NUDT10: variants seen among roughly 807,000 people sequenced by gnomAD.
NUDT10 encodes the protein nudix hydrolase 10, also known as diphosphoinositol polyphosphate phosphohydrolase 3-alpha.
A neutral mutation model predicts 10.5 loss-of-function variants in NUDT10; 2 were observed. The ratio of observed to expected loss-of-function variants is 0.19; its 90% CI spans 0.08 to 0.60. The LOEUF (loss-of-function observed/expected upper bound fraction) is 0.60. NUDT10 is among the 20% of genes least tolerant of loss of function. The pLI is 0.89. For synonymous variants in NUDT10, 53 were observed against 71.8 expected, an observed-to-expected ratio of 0.74 and a Z score of 1.32; for missense variants, 75 against 149.5, an observed-to-expected ratio of 0.50 and a Z score of 2.60.
At position 51,333,038 on chromosome X, in the gene NUDT10, T is replaced by C. The variant is rs781923794; in HGVS notation, c.73T>C (p.Phe25Leu). ...GFKKRAACLC[F>L]RSEREDEVLL... is the part of the protein sequence containing the mutation. Reference sequence around the variant, plus strand: ...CAAGAAGCGGGCGGCGTGCCTGTGCTTCCGGAGCGAGCGCGAGGACGAGGT... The same window carrying C: ...CAAGAAGCGGGCGGCGTGCCTGTGCCTCCGGAGCGAGCGCGAGGACGAGGT... The change falls in exon 1 of 2, where the codon TTC (phenylalanine) becomes CTC (leucine). Residue 25 changes from phenylalanine to leucine, a missense_variant. Coordinates refer to ENST00000356450, the MANE Select transcript of NUDT10 (RefSeq NM_001304963.2). 9.9e-6 allele frequency: 12 copies of C among 1,209,300 alleles called. No individual in the cohort carries two copies. In the African/African-American group the frequency reaches 1.9e-4, roughly 19 times the overall value.
intron 1 of NUDT10, among the ~76,000 whole-genome samples, chrX:51,333,761 G>C (rs1181377048): frequency 1.9e-5 from 1 of 52,994 alleles, no homozygotes; most frequent in Non-Finnish European, 3.8e-5. Context: ...GGGGGGGGGG[G>C]GGTGGGGGGC....
At chrX:51,334,572 C>T (rs1405366515) in intron 1 of NUDT10, among the ~76,000 whole-genome samples, 1 of 112,001 alleles carries the variant, frequency 8.9e-6, no homozygotes, top group Non-Finnish European at 1.9e-5. Flanking sequence ...GATTCCTGAA[C>T]AATCTCTCAA....
At position 51,336,413 on chromosome X, in the gene NUDT10, G is replaced by A; in HGVS notation, c.*174G>A. 1.1e-5 allele frequency: 4 copies of A among 378,119 alleles called. No individual in the cohort carries two copies. The highest frequency in any genetic ancestry group is 1.9e-5 in the Non-Finnish European group (4 of 213,052). 31.2% of individuals were successfully genotyped at this position (378,119 alleles called of 1,213,427 possible). A position where few individuals can be genotyped will look rare whatever the true frequency, so the allele number is the denominator to read the frequency against. On this transcript the variant is annotated 3_prime_UTR_variant, in exon 2 of 2. Coordinates refer to ENST00000356450, the MANE Select transcript of NUDT10 (RefSeq NM_001304963.2). ...TACAATGACTATTCTCCAGGTTGTTGCACTACCGCTGTATCTGTACATAAT... is the reference window on the plus strand; with the variant it reads ...TACAATGACTATTCTCCAGGTTGTTACACTACCGCTGTATCTGTACATAAT...
rs782433518 is a variant in NUDT10 at position 51,337,458 on chromosome X, T to C, written c.*1219T>C. On this transcript the variant is annotated 3_prime_UTR_variant, in exon 2 of 2. Transcript: ENST00000356450. ...AGCTGGGTGATGGCTAAAATGATGGTTCATTATATATGTTCATCTCTATTT... is the reference window on the plus strand; with the variant it reads ...AGCTGGGTGATGGCTAAAATGATGGCTCATTATATATGTTCATCTCTATTT... 95 of 112,239 alleles carry C rather than the reference T, an allele frequency of 8.5e-4. No individual in the cohort carries two copies. The highest frequency in any genetic ancestry group is 2.8e-3 in the African/African-American group (87 of 30,921). The allele number at this position is 112,239 out of a possible 1,213,427, so 9.2% of individuals were successfully genotyped here.
chrX:51,334,526 C>T (rs782522938), intron 1 of NUDT10, among the ~76,000 whole-genome samples: 1 of 112,382 alleles, frequency 8.9e-6, no homozygotes, highest in Admixed American at 9.4e-5. Context: ...TTAGCTCTAG[C>T]GATGTTCAGC....
chrX:51,334,493 G>A (rs1287584488), intron 1 of NUDT10, among the ~76,000 whole-genome samples: 4 of 112,440 alleles, frequency 3.6e-5, no homozygotes, highest in Non-Finnish European at 7.5e-5. Context: ...GGAATCTTTT[G>A]TGGTGATTAC....
chrX:51,333,522 C>T, intron 1 of NUDT10, 63 bp downstream of exon 1: 1 of 1,172,759 alleles, frequency 8.5e-7, no homozygotes, highest in Admixed American at 2.3e-5. Flanking sequence ...TGCATCCCGC[C>T]TGGAGCACCT....
chrX:51,336,361 G>A lies in NUDT10; in HGVS notation c.*122G>A. 2 of 456,812 alleles carry A rather than the reference G, an allele frequency of 4.4e-6. No homozygotes were observed. The highest frequency in any genetic ancestry group is 3.8e-5 in the East Asian group (1 of 26,661). 37.6% of individuals were successfully genotyped at this position (456,812 alleles called of 1,213,427 possible). A position where few individuals can be genotyped will look rare whatever the true frequency, so the allele number is the denominator to read the frequency against. Reference sequence around the variant, plus strand: ...ACTCCAAGGACACAGCTCATCCTATGCTTTTGGACACTTCTTCCCTGTTTA... The same window carrying A: ...ACTCCAAGGACACAGCTCATCCTATACTTTTGGACACTTCTTCCCTGTTTA... On this transcript the variant is annotated 3_prime_UTR_variant, in exon 2 of 2. Transcript: ENST00000356450.
rs1474316982 is a variant in NUDT10 at position 51,337,504 on chromosome X, G to A, written c.*1265G>A. The A allele has an allele frequency of 3.6e-5, 4 of 111,768 alleles. No individual in the cohort carries two copies. The highest frequency in any genetic ancestry group is 7.5e-4 in the South Asian group (2 of 2,674). The allele number at this position is 111,768 out of a possible 1,213,427, so 9.2% of individuals were successfully genotyped here. On this transcript the variant is annotated 3_prime_UTR_variant, in exon 2 of 2. Transcript: ENST00000356450. ...TATTTTTGTATGTTTGGCATTTTCC[G>A]TAATAAAGTTTATAAAAATAATTAC...
chrX:51,335,133 C>T (rs1245329415), intron 1 of NUDT10, among the ~76,000 whole-genome samples: 1 of 109,581 alleles, frequency 9.1e-6, no homozygotes, highest in Non-Finnish European at 1.9e-5. Context: ...GCCTGGCCAG[C>T]ATGGTGAAAC....
In NUDT10 at chrX:51,333,451, C is replaced by T. The variant is rs782779893; in HGVS notation, c.486C>T (p.Ser162=). 5 of 1,205,182 alleles carry T rather than the reference C, an allele frequency of 4.1e-6. No individual in the cohort carries two copies. In the East Asian group the frequency reaches 1.5e-4, roughly 36 times the overall value. The change falls in exon 1 of 2, where the codon AGC becomes AGT. Residue 162 remains serine, a synonymous_variant. Coordinates refer to ENST00000356450, the MANE Select transcript of NUDT10 (RefSeq NM_001304963.2). ...CCATGGCCCCATCCTCGCCAGATAG[C>T]GATCCCTAGTATGTACCGCTTGCGC... ...GNSMAPSSPD[S]DP is the part of the protein sequence containing the mutation.
upstream of NUDT10, chrX:51,332,801 C>G: frequency 4.8e-6 from 4 of 834,604 alleles, no homozygotes; most frequent in Non-Finnish European, 6.6e-6. Context: ...ATCTCTCCCT[C>G]CGCTCCCCGG....
intron 1 of NUDT10, among the ~76,000 whole-genome samples, chrX:51,333,806 G>A (rs1557312501): frequency 9.9e-6 from 1 of 100,559 alleles, no homozygotes; most frequent in African/African-American, 3.7e-5. Flanking sequence ...GTCTGCCTGT[G>A]CGCCCTGTGA....
intron 1 of NUDT10, among the ~76,000 whole-genome samples, chrX:51,334,577 T>C (rs183047533): frequency 1.2e-4 from 14 of 112,035 alleles, no homozygotes; most frequent in African/African-American, 4.5e-4. Flanking sequence ...CTGAACAATC[T>C]CTCAATGATA....
At chrX:51,332,806 C>T (rs1280577579), upstream of NUDT10, 5 of 863,919 alleles carry the variant, frequency 5.8e-6, no homozygotes, top group African/African-American at 8.1e-5. Context: ...TCCCTCCGCT[C>T]CCCGGGCTCG....
Position 51,332,926 on chromosome X carries a change from C to G in NUDT10, c.-40C>G. On this transcript the variant is annotated 5_prime_UTR_variant, in exon 1 of 2. Transcript: ENST00000356450. Reference sequence around the variant, plus strand: ...GCAGCGGCAGCAGCTGCGTCGGCGGCCCACACAGCAGCGAGAGGCGAGAGG... The same window carrying G: ...GCAGCGGCAGCAGCTGCGTCGGCGGGCCACACAGCAGCGAGAGGCGAGAGG... 2 of 1,199,938 alleles carry G rather than the reference C, an allele frequency of 1.7e-6. No individual in the cohort carries two copies. Among genetic ancestry groups the G allele is most frequent in the Non-Finnish European group, 2.3e-6 (2 of 888,463 alleles).
intron 1 of NUDT10, among the ~76,000 whole-genome samples, chrX:51,335,172 G>T (rs1261773620): frequency 1.8e-5 from 2 of 109,446 alleles, no homozygotes; most frequent in South Asian, 8.1e-4. Context: ...ACAAAAACTA[G>T]CTGGGCATCG....
intron 1 of NUDT10, among the ~76,000 whole-genome samples, chrX:51,335,385 TC>T (rs1464810538): frequency 1.8e-5 from 2 of 110,631 alleles, no homozygotes; most frequent in African/African-American, 6.6e-5. Flanking sequence ...TTTTTCTTAT[TC>T]TAAAAAAAAT....
At chrX:51,335,037 G>T (rs1922800493) in intron 1 of NUDT10, among the ~76,000 whole-genome samples, 1 of 110,676 alleles carries the variant, frequency 9.0e-6, no homozygotes. Context: ...GGGGGCTGGG[G>T]GACCGGGCGC....
Sources: allele counts gnomAD v4.1 joint callset (sites outside exome capture counted in the v4.1 genomes callset), GRCh38; gene constraint gnomAD v4.1.1; transcripts MANE v1.5; gene names NCBI Gene and HGNC (gene_info 2026-07-23, HGNC 2026-07-21).